Variants in VPS41 observed in about 807,000 individuals in gnomAD.
VPS41 encodes the protein VPS41 subunit of HOPS complex, also known as vacuolar protein sorting-associated protein 41 homolog.
Under a neutral mutation model 130.9 loss-of-function variants are expected in VPS41, and 85 were observed. That is an observed-to-expected ratio of 0.65 (90% CI 0.55 to 0.78). The LOEUF (loss-of-function observed/expected upper bound fraction) is 0.78, where lower values mean the gene tolerates loss of function less well. Among genes scored for constraint, VPS41 ranks in the 30% least tolerant of loss-of-function variants. VPS41 has a pLI of 0.00. For missense variants in VPS41, 874 were observed against 1,018.7 expected (o/e 0.86, Z 1.93); for synonymous variants, 335 against 332.9 (o/e 1.01, Z -0.07).
chr7:38,818,761 T>TA (rs1388929133), intron 6 of VPS41, among the ~76,000 whole-genome samples: 1 of 152,214 alleles, frequency 6.6e-6, no homozygotes, highest in Admixed American at 6.5e-5. Flanking sequence ...TAATTTAACA[T>TA]AGAGAATTTT....
At chr7:38,811,870 G>A (rs983683215) in intron 7 of VPS41, among the ~76,000 whole-genome samples, 2 of 151,804 alleles carry the variant, frequency 1.3e-5, no homozygotes, top group Non-Finnish European at 1.5e-5. Context: ...CTTTATGATG[G>A]TACCTATACA....
intron 25 of VPS41, among the ~76,000 whole-genome samples, chr7:38,729,131 A>G (rs1795608134): frequency 6.6e-6 from 1 of 152,232 alleles, no homozygotes; most frequent in South Asian, 2.1e-4. Flanking sequence ...TTCCTTATAC[A>G]GATCCTCTTG....
chr7:38,868,170 GA>G (rs1158940651), intron 3 of VPS41, among the ~76,000 whole-genome samples: 1 of 152,142 alleles, frequency 6.6e-6, no homozygotes, highest in Non-Finnish European at 1.5e-5. Flanking sequence ...TTTGGTTGAA[GA>G]ACTACAAGGC....
chr7:38,777,162 C>T (rs189587342), intron 10 of VPS41, among the ~76,000 whole-genome samples: 3 of 151,936 alleles, frequency 2.0e-5, no homozygotes, highest in Admixed American at 2.0e-4. Context: ...TTCCTGAGTT[C>T]GTTTTTCTCA....
intron 4 of VPS41, among the ~76,000 whole-genome samples, chr7:38,841,085 T>A (rs946837935): frequency 6.6e-6 from 1 of 152,242 alleles, no homozygotes; most frequent in Non-Finnish European, 1.5e-5. Flanking sequence ...GTAGATTTTT[T>A]AATAACTACA....
intron 2 of VPS41, among the ~76,000 whole-genome samples, chr7:38,885,961 G>A (rs1786720529): frequency 6.6e-6 from 1 of 152,046 alleles, no homozygotes; most frequent in Non-Finnish European, 1.5e-5. Context: ...TGAATCTGAG[G>A]ATAGATCAAG....
intron 2 of VPS41, among the ~76,000 whole-genome samples, chr7:38,870,201 A>G (rs981156867): frequency 2.0e-5 from 3 of 152,198 alleles, no homozygotes; most frequent in African/African-American, 2.4e-5. Context: ...CGGGGCTAAG[A>G]TATCAGTGGA....
chr7:38,856,142 T>C (rs1785979463), intron 4 of VPS41, among the ~76,000 whole-genome samples: 1 of 152,146 alleles, frequency 6.6e-6, no homozygotes, highest in Non-Finnish European at 1.5e-5. Context: ...CATGACCTCA[T>C]CTAAATTGTT....
At chr7:38,782,573 C>T (rs1197588170) in intron 10 of VPS41, among the ~76,000 whole-genome samples, 6 of 152,148 alleles carry the variant, frequency 3.9e-5, no homozygotes, top group Non-Finnish European at 7.4e-5. Context: ...CCACTACATT[C>T]CCAGAATCTT....
chr7:38,784,808 G>A (rs2115916291), intron 10 of VPS41, among the ~76,000 whole-genome samples: 1 of 152,286 alleles, frequency 6.6e-6, no homozygotes, highest in Non-Finnish European at 1.5e-5. Flanking sequence ...AATTTGCAGT[G>A]CTGCTGCAAG....
chr7:38,888,258 G>A (rs1217826349), intron 2 of VPS41, among the ~76,000 whole-genome samples: 4 of 152,044 alleles, frequency 2.6e-5, no homozygotes, highest in African/African-American at 9.7e-5. Flanking sequence ...AAGACCCATT[G>A]GTGTGCAGTA....
At chr7:38,746,887 T>C (rs1355917299) in intron 22 of VPS41, among the ~76,000 whole-genome samples, 1 of 152,114 alleles carries the variant, frequency 6.6e-6, no homozygotes, top group East Asian at 1.9e-4. Flanking sequence ...CCTTACGTCA[T>C]GAGGTCAAGG....
intron 10 of VPS41, among the ~76,000 whole-genome samples, chr7:38,787,385 G>A (rs78219810): frequency 0.012 from 1,794 of 152,228 alleles, 45 homozygotes; most frequent in African/African-American, 0.04. Flanking sequence ...TGCAAGTGAA[G>A]TTAAAACATG....
intron 4 of VPS41, among the ~76,000 whole-genome samples, chr7:38,843,600 C>G (rs1031357407): frequency 6.6e-6 from 1 of 151,470 alleles, no homozygotes; most frequent in African/African-American, 2.4e-5. Flanking sequence ...GAGAATGGCA[C>G]GAACCCGGGA....
At chr7:38,837,872 T>A (rs535017259) in intron 4 of VPS41, among the ~76,000 whole-genome samples, 19 of 152,300 alleles carry the variant, frequency 1.2e-4, no homozygotes, top group Admixed American at 2.6e-4. Context: ...ACAAAAAAAA[T>A]ATTTATTTTG....
intron 4 of VPS41, among the ~76,000 whole-genome samples, chr7:38,847,744 C>G (rs1218948110): frequency 6.6e-6 from 1 of 152,142 alleles, no homozygotes; most frequent in Non-Finnish European, 1.5e-5. Flanking sequence ...ATGATACCAT[C>G]AATGATAAAG....
intron 25 of VPS41, among the ~76,000 whole-genome samples, chr7:38,735,296 C>T (rs1413163913): frequency 7.9e-5 from 12 of 152,054 alleles, no homozygotes; most frequent in Non-Finnish European, 1.6e-4. Context: ...AAGAAACCCA[C>T]GTAGGCCCAA....
chr7:38,743,346 A>T, intron 24 of VPS41, 56 bp downstream of exon 24: 1 of 1,601,056 alleles, frequency 6.2e-7, no homozygotes, highest in Non-Finnish European at 8.6e-7. Flanking sequence ...ATCTAGACAT[A>T]ACTGGTTACA....
At chr7:38,763,949 T>A (rs2115788047) in intron 16 of VPS41, among the ~76,000 whole-genome samples, 1 of 152,328 alleles carries the variant, frequency 6.6e-6, no homozygotes, top group Non-Finnish European at 1.5e-5. Flanking sequence ...CAACTCATAA[T>A]CATCTTTTGA....
Sources: allele counts gnomAD v4.1 joint callset (sites outside exome capture counted in the v4.1 genomes callset), GRCh38; gene constraint gnomAD v4.1.1; transcripts MANE v1.5; gene names NCBI Gene and HGNC (gene_info 2026-07-23, HGNC 2026-07-21).